Variants in ANXA6 observed in about 807,000 individuals in gnomAD.
ANXA6 encodes 67 kDa calelectrin.
A neutral mutation model predicts 95.4 loss-of-function variants in ANXA6; 71 were observed. The observed-to-expected ratio is 0.74, with a 90% CI of 0.61 to 0.91. The LOEUF is 0.91. Among genes scored for constraint, ANXA6 ranks in the 40% least tolerant of loss-of-function variants. ANXA6 has a pLI of 0.00. For synonymous variants in ANXA6, 289 were observed against 315.9 expected (o/e 0.91, Z 0.90); for missense variants, 830 against 876.4 (o/e 0.95, Z 0.67).
intron 23 of ANXA6, among the ~76,000 whole-genome samples, chr5:151,106,873 T>A (rs1210036558): frequency 6.6e-6 from 1 of 152,148 alleles, no homozygotes; most frequent in African/African-American, 2.4e-5. Context: ...TGCCATTGGA[T>A]GGAGGAGTGT....
At chr5:151,131,154 A>G in intron 11 of ANXA6, 77 bp downstream of exon 11, 2 of 1,507,950 alleles carry the variant, frequency 1.3e-6, no homozygotes, top group Non-Finnish European at 1.8e-6. Flanking sequence ...CTCTTTGGCC[A>G]CTGGATCCCA....
Position 151,123,272 on chromosome 5 carries a change from C to T in ANXA6, c.1139-261G>A, listed in dbSNP as rs550326530. Among the ~76,000 whole-genome samples the T allele has an allele frequency of 1.3e-3, 195 of 152,310 alleles. 1 individual carries two copies. The highest frequency in any genetic ancestry group is 4.1e-3 in the African/African-American group (171 of 41,552). ...AGAGCACTGGGTTGGGAGTCAGTGC[C>T]TCTGAGTTCTAGTTCTGGCTCTGGC... On this transcript the variant is annotated intron_variant, in intron 15 of 25. Transcript: ENST00000354546.
chr5:151,125,326 A>C (rs1765286077), intron 14 of ANXA6, among the ~76,000 whole-genome samples: 1 of 128,922 alleles, frequency 7.8e-6, no homozygotes, highest in Non-Finnish European at 1.6e-5. Flanking sequence ...TGGATAACAG[A>C]GTGAGACCCT....
chr5:151,148,636 G>A (rs905602754), intron 1 of ANXA6, among the ~76,000 whole-genome samples: 1 of 152,350 alleles, frequency 6.6e-6, no homozygotes, highest in Non-Finnish European at 1.5e-5. Flanking sequence ...TAATGGGAAT[G>A]AATAACAAAT....
chr5:151,128,173 C>A lies in ANXA6; in HGVS notation c.977+8G>T. ...TGCCCTCCAGCCAGGGGCCAAGAAG[C>A]CACTTACTCATCATCTCCCCCAGAC... is the stretch of plus-strand genomic sequence containing the variant. On this transcript the variant is annotated splice_region_variant and intron_variant, in intron 13 of 25. Coordinates refer to ENST00000354546, the MANE Select transcript of ANXA6 (RefSeq NM_001155.5). 1.2e-6 allele frequency: 2 copies of A among 1,611,298 alleles called. No homozygotes were observed. Among genetic ancestry groups the A allele is most frequent in the Non-Finnish European group, 1.7e-6 (2 of 1,178,742 alleles).
chr5:151,156,389 A>T (rs1766238232), intron 1 of ANXA6, among the ~76,000 whole-genome samples: 3 of 152,218 alleles, frequency 2.0e-5, no homozygotes, highest in Non-Finnish European at 4.4e-5. Context: ...ACCCCAGGCC[A>T]GTGCCCTCGG....
In ANXA6 at chr5:151,109,991, C is replaced by T. The variant is rs1273687587; in HGVS notation, c.1591-145G>A. 6.3e-6 allele frequency: 4 copies of T among 636,548 alleles called. No homozygotes were observed. The East Asian group carries it at 8.5e-5, about 14-fold the overall frequency. The allele number at this position is 636,548 out of a possible 1,614,324, so 39.4% of individuals were successfully genotyped here. On this transcript the variant is annotated intron_variant, in intron 21 of 25. Coordinates refer to ENST00000354546, the MANE Select transcript of ANXA6 (RefSeq NM_001155.5). ...ATCCAAGGGGGCCGAGACTGGTCCC[C>T]TCTTCCTTCCTCAAGCACAATGGCT...
intron 2 of ANXA6, among the ~76,000 whole-genome samples, chr5:151,143,823 A>G (rs879820014): frequency 6.6e-6 from 1 of 152,042 alleles, no homozygotes; most frequent in Non-Finnish European, 1.5e-5. Flanking sequence ...CAGATCAGAG[A>G]AGGCTTTCTG....
At chr5:151,146,253 A>C (rs891435342) in intron 2 of ANXA6, among the ~76,000 whole-genome samples, 1 of 152,254 alleles carries the variant, frequency 6.6e-6, no homozygotes, top group Non-Finnish European at 1.5e-5. Flanking sequence ...AGAATCCTGC[A>C]GTTCAAATGC....
At chr5:151,141,757 G>A (rs1400470172) in intron 2 of ANXA6, 11 of 973,104 alleles carry the variant, frequency 1.1e-5, no homozygotes, top group Non-Finnish European at 1.3e-5. Context: ...TGCCACCTGG[G>A]AATCCCCTGC....
chr5:151,132,070 T>C (rs1765529226), intron 10 of ANXA6, among the ~76,000 whole-genome samples: 1 of 152,206 alleles, frequency 6.6e-6, no homozygotes, highest in Admixed American at 6.5e-5. Flanking sequence ...ATCAGCCTGG[T>C]GAGACTCAGT....
intron 10 of ANXA6, 41 bp downstream of exon 10, chr5:151,132,435 G>A (rs373763343): frequency 2.6e-5 from 39 of 1,485,160 alleles, no homozygotes; most frequent in Non-Finnish European, 3.5e-5. Flanking sequence ...CAGTGTTCCA[G>A]AATCCCCTAA....
In ANXA6 at chr5:151,101,516, G is replaced by A. The variant is rs1184146296; in HGVS notation, c.1963-9C>T. ...TCTCCGGAGGTGTCACCCTGGCAGA[G>A]GCAGAGAGCAGAGTGAGTGAAAACA... On this transcript the variant is annotated splice_polypyrimidine_tract_variant and intron_variant, in intron 25 of 25. Transcript: ENST00000354546. The A allele has an allele frequency of 1.9e-6, 3 of 1,557,640 alleles. No homozygotes were observed. The highest frequency in any genetic ancestry group is 3.9e-5 in the Admixed American group (2 of 51,726).
rs756811700 is a variant in ANXA6 at position 151,119,324 on chromosome 5, C to A, written c.1414G>T (p.Ala472Ser). The A allele has an allele frequency of 1.2e-5, 20 of 1,613,306 alleles. 1 individual carries two copies. In the South Asian group the frequency reaches 2.2e-4, roughly 18 times the overall value. Residue 472 changes from alanine (A) to serine (S), a missense_variant, in exon 18 of 26, where the codon GCC becomes TCC. Physicochemically the swap from Ala to Ser is moderately conservative, Grantham distance 99. Coordinates refer to ENST00000354546, the MANE Select transcript of ANXA6 (RefSeq NM_001155.5). ...CCCTCCTTATAGGCCTCATTGATGG[C>A]CCGGATTTCAGCATTGGTCCGAGTG... ...LATRTNAEIR[A>S]INEAYKEDYH...
intron 1 of ANXA6, among the ~76,000 whole-genome samples, chr5:151,152,056 G>A (rs1239284917): frequency 5.9e-5 from 9 of 152,162 alleles, no homozygotes; most frequent in Admixed American, 5.2e-4. Context: ...TAGAAGGAAC[G>A]GCTCACCACT....
intron 1 of ANXA6, among the ~76,000 whole-genome samples, chr5:151,154,331 A>G (rs1421184184): frequency 7.3e-6 from 1 of 136,826 alleles, no homozygotes; most frequent in East Asian, 2.1e-4. Flanking sequence ...ATATATATAT[A>G]TTGATCCCAT....
intron 22 of ANXA6, 136 bp from the exon 23 acceptor site, chr5:151,108,686 A>C: frequency 1.4e-6 from 1 of 740,418 alleles, no homozygotes; most frequent in South Asian, 1.6e-5. Context: ...GCCACAGCCC[A>C]GGCCTAAATG....
chr5:151,125,042 C>T (rs1481143369), intron 14 of ANXA6, among the ~76,000 whole-genome samples: 1 of 152,194 alleles, frequency 6.6e-6, no homozygotes, highest in Non-Finnish European at 1.5e-5. Flanking sequence ...ATAATAGGCA[C>T]ACTCAAAAAA....
At chr5:151,128,324 A>G in intron 12 of ANXA6, 85 bp from the exon 13 acceptor site, 1 of 1,179,110 alleles carries the variant, frequency 8.5e-7, no homozygotes, top group Non-Finnish European at 1.2e-6. Context: ...ACAGCCTGAA[A>G]GAGGGGAAGG....
Sources: allele counts gnomAD v4.1 joint callset (sites outside exome capture counted in the v4.1 genomes callset), GRCh38; gene constraint gnomAD v4.1.1; transcripts MANE v1.5; gene names NCBI Gene and HGNC (gene_info 2026-07-23, HGNC 2026-07-21).